Variants in SLC4A7 observed in about 807,000 individuals in gnomAD.
SLC4A7 encodes the protein solute carrier family 4 member 7.
Under a neutral mutation model 137.6 loss-of-function variants are expected in SLC4A7, and 51 were observed. The ratio of observed to expected loss-of-function variants is 0.37; its 90% CI spans 0.30 to 0.47. The LOEUF (loss-of-function observed/expected upper bound fraction) is 0.47. Among genes scored for constraint, SLC4A7 ranks in the 20% least tolerant of loss-of-function variants. The pLI, the probability that SLC4A7 is intolerant of heterozygous loss-of-function variation, is 1.00. For missense variants in SLC4A7, 1,247 were observed against 1,525.4 expected, an observed-to-expected ratio of 0.82 and a Z score of 3.04; for synonymous variants, 542 against 518.6, an observed-to-expected ratio of 1.05 and a Z score of -0.61.
chr3:27,422,550 T>A (rs1418540088), intron 8 of SLC4A7, among the ~76,000 whole-genome samples: 1 of 152,152 alleles, frequency 6.6e-6, no homozygotes, highest in Non-Finnish European at 1.5e-5. Context: ...ATTACAGGCA[T>A]GAATTACTAT....
At chr3:27,478,984 G>C (rs2059594267) in intron 1 of SLC4A7, among the ~76,000 whole-genome samples, 1 of 150,726 alleles carries the variant, frequency 6.6e-6, no homozygotes, top group East Asian at 1.9e-4. Context: ...CAACCTGGGT[G>C]ACAAAGTGAG....
At chr3:27,397,635 G>C (rs1393431687) in intron 18 of SLC4A7, 49 bp downstream of exon 18, 1 of 857,092 alleles carries the variant, frequency 1.2e-6, no homozygotes, top group Non-Finnish European at 2.0e-6. Context: ...TTGCTTTAAA[G>C]TAGTGTGGTA....
At chr3:27,443,143 T>G (rs1280239310) in intron 3 of SLC4A7, among the ~76,000 whole-genome samples, 1 of 146,890 alleles carries the variant, frequency 6.8e-6, no homozygotes, top group Non-Finnish European at 1.5e-5. Context: ...GCAATTCTCC[T>G]GTCTCAGCCT....
intron 1 of SLC4A7, among the ~76,000 whole-genome samples, chr3:27,478,514 A>C (rs1454265322): frequency 2.0e-5 from 3 of 149,900 alleles, no homozygotes; most frequent in Non-Finnish European, 4.4e-5. Context: ...ACTGCCTCAA[A>C]AAAAAAAAAA....
rs2049684218 is a variant in SLC4A7, at chr3:27,373,288, TGAAAAGTTA to T, written c.*3467_*3475del. The T allele has an allele frequency of 6.6e-6, 1 of 152,144 alleles. No individual in the cohort carries two copies. The highest frequency in any genetic ancestry group is 1.5e-5 in the Non-Finnish European group (1 of 67,982). The allele number at this position is 152,144 out of a possible 1,614,324, so 9.4% of individuals were successfully genotyped here. On this transcript the variant is annotated 3_prime_UTR_variant, in exon 26 of 26. Transcript: ENST00000454389. ...ATAATTGACATTTAATGTTAGTTTTTGAAAAGTTAGAAAAGAAACCAATTTATATGAAGA... is the reference window on the plus strand; with the variant it reads ...ATAATTGACATTTAATGTTAGTTTTTGAAAAGAAACCAATTTATATGAAGA...
intron 14 of SLC4A7, 29 bp downstream of exon 14, chr3:27,404,801 T>C (rs746815936): frequency 7.3e-6 from 11 of 1,512,466 alleles, no homozygotes; most frequent in East Asian, 2.3e-5. Flanking sequence ...ATATAACACA[T>C]GTGATAAGTA....
chr3:27,423,305 T>C (rs2055188412), intron 8 of SLC4A7, among the ~76,000 whole-genome samples: 2 of 152,190 alleles, frequency 1.3e-5, no homozygotes. Flanking sequence ...AATATTAAAA[T>C]ACCATGAGCA....
At chr3:27,443,941 G>A (rs1169005706) in intron 3 of SLC4A7, among the ~76,000 whole-genome samples, 1 of 152,148 alleles carries the variant, frequency 6.6e-6, no homozygotes, top group African/African-American at 2.4e-5. Context: ...ATTGTGATCA[G>A]AGAACATACT....
Position 27,452,501 on chromosome 3 carries a change from A to G in SLC4A7, c.61-3T>C. On this transcript the variant is annotated splice_polypyrimidine_tract_variant and splice_region_variant and intron_variant, in intron 1 of 25. Coordinates refer to ENST00000454389, the MANE Select transcript of SLC4A7 (RefSeq NM_001321103.2). ...ACAACAGCTTCTTCATCAGGACCCTAAAAACAAATTATTCTCATTGACTCA... is the reference window on the plus strand; with the variant it reads ...ACAACAGCTTCTTCATCAGGACCCTGAAAACAAATTATTCTCATTGACTCA... 6.3e-7 allele frequency: 1 copy of G among 1,596,810 alleles called. No individual in the cohort carries two copies. The highest frequency in any genetic ancestry group is 8.5e-7 in the Non-Finnish European group (1 of 1,173,846).
At chr3:27,441,891 T>G (rs759917962) in intron 3 of SLC4A7, among the ~76,000 whole-genome samples, 8 of 151,948 alleles carry the variant, frequency 5.3e-5, no homozygotes, top group Non-Finnish European at 1.0e-4. Context: ...TATTCTCTTA[T>G]TAGTTTGACT....
intron 10 of SLC4A7, among the ~76,000 whole-genome samples, chr3:27,419,564 G>A (rs530211606): frequency 4.4e-4 from 66 of 150,996 alleles, no homozygotes; most frequent in South Asian, 6.4e-4. Context: ...TCAAACTCCC[G>A]ACCTCAAGTG....
chr3:27,394,185 ATTATTT>A (rs2051896640), intron 20 of SLC4A7, among the ~76,000 whole-genome samples: 1 of 147,882 alleles, frequency 6.8e-6, no homozygotes, highest in South Asian at 2.2e-4. Context: ...TACCTGGCTA[ATTATTT>A]TTATTTTTAT....
At chr3:27,454,339 G>T (rs1244680291) in intron 1 of SLC4A7, among the ~76,000 whole-genome samples, 2 of 152,026 alleles carry the variant, frequency 1.3e-5, no homozygotes, top group Admixed American at 1.3e-4. Context: ...GGTAGCGGGC[G>T]CCTGTAATCC....
intron 7 of SLC4A7, among the ~76,000 whole-genome samples, chr3:27,426,438 A>G (rs1418552895): frequency 6.6e-6 from 1 of 152,212 alleles, no homozygotes; most frequent in East Asian, 1.9e-4. Context: ...GAAAACTGAG[A>G]GTACCATTTG....
rs190726387 is a variant in SLC4A7 at position 27,457,443 on chromosome 3, A to C, written c.61-4945T>G. Among the ~76,000 whole-genome samples, 358 of 152,236 alleles carry C rather than the reference A, an allele frequency of 2.4e-3. 2 individuals carry two copies. Among genetic ancestry groups the C allele is most frequent in the African/African-American group, 8.4e-3 (348 of 41,572 alleles). ...ATCTGATGTGATCTGCCCTTGGTTA[A>C]AGTATATTTAAAAATCCATATTCAC... is the stretch of plus-strand genomic sequence containing the variant. On this transcript the variant is annotated intron_variant, in intron 1 of 25. Coordinates refer to ENST00000454389, the MANE Select transcript of SLC4A7 (RefSeq NM_001321103.2).
chr3:27,478,198 T>C (rs1202470087), intron 1 of SLC4A7, among the ~76,000 whole-genome samples: 2 of 129,454 alleles, frequency 1.5e-5, no homozygotes, highest in Non-Finnish European at 3.5e-5. Context: ...CTCTGAAAAA[T>C]GAGGAAAAAA....
At chr3:27,388,521 C>T (rs1420478434) in intron 22 of SLC4A7, among the ~76,000 whole-genome samples, 1 of 152,110 alleles carries the variant, frequency 6.6e-6, no homozygotes, top group Non-Finnish European at 1.5e-5. Context: ...TTCTTCTATG[C>T]AACTGGGCTA....
intron 15 of SLC4A7, among the ~76,000 whole-genome samples, chr3:27,402,908 A>G (rs2052930824): frequency 6.6e-6 from 1 of 152,066 alleles, no homozygotes; most frequent in Admixed American, 6.5e-5. Context: ...AAACATACAC[A>G]TGTGAATAAG....
At chr3:27,380,865 A>T (rs138486137) in intron 24 of SLC4A7, among the ~76,000 whole-genome samples, 1 of 152,340 alleles carries the variant, frequency 6.6e-6, no homozygotes, top group East Asian at 1.9e-4. Context: ...TGCCAACTTC[A>T]AATAAGTGAA....
Sources: gnomAD v4.1 joint callset for allele counts (sites outside exome capture counted in the v4.1 genomes callset) on GRCh38, gnomAD v4.1.1 for gene constraint, MANE v1.5 for transcripts, NCBI Gene and HGNC (gene_info 2026-07-23, HGNC 2026-07-21) for gene names.